The following SLC36A4 variants were observed in gnomAD, a reference collection of about 807,000 sequenced individuals.
SLC36A4 encodes the protein solute carrier family 36 member 4.
Under a neutral mutation model 50.5 loss-of-function variants are expected in SLC36A4, and 49 were observed. The ratio of observed to expected loss-of-function variants is 0.97; its 90% CI spans 0.77 to 1.23. SLC36A4 has a LOEUF of 1.23. Ranked by LOEUF, SLC36A4 falls within the 50% of genes most tolerant of loss-of-function variation. SLC36A4 has a pLI of 0.00. For synonymous variants in SLC36A4, 207 were observed against 206.5 expected (o/e 1.00, Z -0.02); for missense variants, 611 against 608.4 (o/e 1.00, Z -0.05).
At chr11:93,179,598 G>GA (rs200045814) in intron 6 of SLC36A4, among the ~76,000 whole-genome samples, 26 of 151,744 alleles carry the variant, frequency 1.7e-4, no homozygotes, top group Middle Eastern at 3.4e-3. Context: ...TGGTACACTG[G>GA]AAAAAAAACT....
chr11:93,180,794 CACTT>C lies in SLC36A4; in HGVS notation c.539_540+2del. ...ATTTCACTAACTGGAGAAAAATACT[CACTT>C]GTTTCACATTTTCAGCTAAGAAGAC... On this transcript the variant is annotated splice_donor_variant and coding_sequence_variant, in exon 6 of 11. Transcript: ENST00000326402. LOFTEE classifies it high-confidence loss of function. 1 of 1,603,812 alleles carries C rather than the reference CACTT, an allele frequency of 6.2e-7. No homozygotes were observed. Among genetic ancestry groups the C allele is most frequent in the African/African-American group, 1.3e-5 (1 of 74,754 alleles).
intron 9 of SLC36A4, chr11:93,160,289 A>C: frequency 1.0e-6 from 1 of 985,438 alleles, no homozygotes; most frequent in Non-Finnish European, 1.2e-6. Flanking sequence ...AATTCTCTAA[A>C]GGGAAATATG....
intron 1 of SLC36A4, among the ~76,000 whole-genome samples, chr11:93,187,193 T>C (rs1350839080): frequency 1.3e-5 from 2 of 152,218 alleles, no homozygotes; most frequent in East Asian, 3.8e-4. Context: ...AGAAATCTGA[T>C]GGCAGACTAA....
chr11:93,190,102 C>T (rs1862150722), intron 1 of SLC36A4, among the ~76,000 whole-genome samples: 1 of 152,030 alleles, frequency 6.6e-6, no homozygotes, highest in African/African-American at 2.4e-5. Flanking sequence ...TACACTTTTC[C>T]TTACTTCTTA....
At position 93,150,178 on chromosome 11, in the gene SLC36A4, C is replaced by T. The variant is rs552833896; in HGVS notation, c.1208-1334G>A. Reference sequence around the variant, plus strand: ...TCTGGAGTTGCCACCAGAAATAACACCTGTGTTTGCTCATATACAGGCTGT... The same window carrying T: ...TCTGGAGTTGCCACCAGAAATAACATCTGTGTTTGCTCATATACAGGCTGT... On this transcript the variant is annotated intron_variant, in intron 10 of 10. Transcript: ENST00000326402. Among the ~76,000 whole-genome samples the T allele has an allele frequency of 1.4e-4, 21 of 152,106 alleles. No individual in the cohort carries two copies. In the South Asian group the frequency reaches 2.9e-3, roughly 21 times the overall value.
At position 93,154,204 on chromosome 11, in the gene SLC36A4, C is replaced by T; in HGVS notation, c.1111G>A (p.Ala371Thr). The T allele has an allele frequency of 6.4e-7, 1 of 1,558,148 alleles. No individual in the cohort carries two copies. The highest frequency in any genetic ancestry group is 8.7e-7 in the Non-Finnish European group (1 of 1,154,932). ...VTYSIQFYVP[A>T]EIIIPGITSK... is the part of the protein sequence containing the mutation. The stretch of plus-strand genomic sequence containing the variant: ...GTGATCCCAGGGATAATGATCTCTG[C>T]TGGAACATAGAACTGAATTGAATAT... Residue 371 changes from alanine to threonine, a missense_variant, in exon 10 of 11, where the codon GCA becomes ACA. Coordinates refer to ENST00000326402, the MANE Select transcript of SLC36A4 (RefSeq NM_152313.4).
At chr11:93,182,660 A>G in intron 4 of SLC36A4, 146 bp downstream of exon 4, 1 of 482,288 alleles carries the variant, frequency 2.1e-6, no homozygotes, top group Non-Finnish European at 3.6e-6. Flanking sequence ...ATTATATGAA[A>G]TGCTACCTTC....
intron 3 of SLC36A4, 73 bp downstream of exon 3, chr11:93,184,357 G>T: frequency 1.1e-6 from 1 of 892,834 alleles, no homozygotes; most frequent in East Asian, 2.4e-5. Context: ...TATTTGACTA[G>T]GCCAGATATT....
intron 1 of SLC36A4, among the ~76,000 whole-genome samples, chr11:93,191,709 C>T (rs1862224240): frequency 6.6e-6 from 1 of 152,134 alleles, no homozygotes; most frequent in Admixed American, 6.6e-5. Context: ...TCATGGCTTA[C>T]CTTTTAGTTT....
In SLC36A4 at chr11:93,145,888, A is replaced by T. The variant is rs1859836529; in HGVS notation, c.*2649T>A. 6.6e-6 allele frequency: 1 copy of T among 152,070 alleles called. No individual in the cohort carries two copies. The highest frequency in any genetic ancestry group is 6.6e-5 in the Admixed American group (1 of 15,226). The allele number at this position is 152,070 out of a possible 1,614,324, so 9.4% of individuals were successfully genotyped here. The stretch of plus-strand genomic sequence containing the variant: ...ATTAAAGCTAAATTTTCAGAGAAAA[A>T]ATTACCCACTGGTTATTTTTGCAAA... On this transcript the variant is annotated 3_prime_UTR_variant, in exon 11 of 11. Transcript: ENST00000326402.
At chr11:93,192,456 G>C (rs143555857) in intron 1 of SLC36A4, among the ~76,000 whole-genome samples, 3 of 152,254 alleles carry the variant, frequency 2.0e-5, no homozygotes, top group Non-Finnish European at 4.4e-5. Flanking sequence ...ACCATTCTAC[G>C]TGACATGAAA....
chr11:93,197,901 G>T lies in SLC36A4; in HGVS notation c.-69C>A. ...CCCGCCGCTGCGTGGCCGGCGTCAG[G>T]CCCAGGCCTACCTCCCCTGCCCGGA... On this transcript the variant is annotated 5_prime_UTR_variant, in exon 1 of 11. Coordinates refer to ENST00000326402, the MANE Select transcript of SLC36A4 (RefSeq NM_152313.4). 1 of 1,451,816 alleles carries T rather than the reference G, an allele frequency of 6.9e-7. No homozygotes were observed. Among genetic ancestry groups the T allele is most frequent in the Non-Finnish European group, 9.1e-7 (1 of 1,099,584 alleles). The allele number at this position is 1,451,816 out of a possible 1,614,324, so 89.9% of individuals were successfully genotyped here.
chr11:93,196,962 A>G (rs1314885709), intron 1 of SLC36A4, among the ~76,000 whole-genome samples: 1 of 152,234 alleles, frequency 6.6e-6, no homozygotes, highest in African/African-American at 2.4e-5. Flanking sequence ...TTCTACCATT[A>G]TTACGGCCTG....
At chr11:93,175,129 G>A (rs1159826007) in intron 6 of SLC36A4, among the ~76,000 whole-genome samples, 1 of 151,598 alleles carries the variant, frequency 6.6e-6, no homozygotes, top group Non-Finnish European at 1.5e-5. Context: ...TTCAGCTCCT[G>A]TTATTGGTCT....
rs77888972 is a variant in SLC36A4 at position 93,187,736 on chromosome 11, G to A, written c.56-1922C>T. Among the ~76,000 whole-genome samples the A allele has an allele frequency of 6.5e-3, 985 of 152,302 alleles. 6 individuals carry two copies. Among genetic ancestry groups the A allele is most frequent in the South Asian group, 0.01 (49 of 4,824 alleles). On this transcript the variant is annotated intron_variant, in intron 1 of 10. Coordinates refer to ENST00000326402, the MANE Select transcript of SLC36A4 (RefSeq NM_152313.4). ...AAGACAATGTTGAGCTGTTAGGGGTGAGCAAAAGCAGCTGGCATGTCTTCT... is the reference window on the plus strand; with the variant it reads ...AAGACAATGTTGAGCTGTTAGGGGTAAGCAAAAGCAGCTGGCATGTCTTCT...
intron 6 of SLC36A4, 27 bp from the exon 7 acceptor site, chr11:93,168,198 G>C: frequency 6.8e-7 from 1 of 1,469,656 alleles, no homozygotes; most frequent in Non-Finnish European, 9.3e-7. Context: ...GGAGAATAAA[G>C]AAGGGGGAAA....
chr11:93,166,352 C>T, intron 7 of SLC36A4: 1 of 1,020,126 alleles, frequency 9.8e-7, no homozygotes, highest in Non-Finnish European at 1.2e-6. Flanking sequence ...AAGGCCTAAG[C>T]TGAGAGCCAT....
chr11:93,152,953 G>A (rs918239962), intron 10 of SLC36A4, among the ~76,000 whole-genome samples: 1 of 151,976 alleles, frequency 6.6e-6, no homozygotes, highest in Non-Finnish European at 1.5e-5. Flanking sequence ...TGTCATCAGA[G>A]TATGGGCTTA....
chr11:93,167,455 T>C (rs1158933569), intron 7 of SLC36A4: 1 of 152,252 alleles, frequency 6.6e-6, no homozygotes, highest in Non-Finnish European at 1.5e-5. Context: ...ATCCCCAGAC[T>C]ATGGACAATG....
Sources: allele counts gnomAD v4.1 joint callset (sites outside exome capture counted in the v4.1 genomes callset), GRCh38; gene constraint gnomAD v4.1.1; transcripts MANE v1.5; gene names NCBI Gene and HGNC (gene_info 2026-07-23, HGNC 2026-07-21).